Variants in MAP3K5 observed in about 807,000 individuals in gnomAD.
The protein encoded by MAP3K5 is ASK-1.
MAP3K5 carries 56 observed loss-of-function variants against 158.7 expected under a neutral mutation model. That is an observed-to-expected ratio of 0.35 (90% CI 0.28 to 0.44). The LOEUF is 0.44. Among genes scored for constraint, MAP3K5 ranks in the 20% least tolerant of loss-of-function variants. The probability of loss-of-function intolerance (pLI) is 1.00; values close to 1 mark genes in which losing one functional copy is unlikely to be tolerated. For synonymous variants in MAP3K5, 579 were observed against 601.7 expected, an observed-to-expected ratio of 0.96 and a Z score of 0.55; for missense variants, 1,294 against 1,674.8, an observed-to-expected ratio of 0.77 and a Z score of 3.97.
At chr6:136,754,772 C>T (rs1783397116) in intron 1 of MAP3K5, among the ~76,000 whole-genome samples, 4 of 152,088 alleles carry the variant, frequency 2.6e-5, no homozygotes, top group Admixed American at 2.6e-4. Context: ...AGCAAATCTG[C>T]AGAGGATGCC....
At chr6:136,783,405 T>G (rs903821712) in intron 1 of MAP3K5, among the ~76,000 whole-genome samples, 5 of 152,202 alleles carry the variant, frequency 3.3e-5, no homozygotes, top group African/African-American at 1.2e-4. Context: ...CAAGTTTAAT[T>G]TTACTCCCTG....
intron 7 of MAP3K5, among the ~76,000 whole-genome samples, chr6:136,672,119 G>A (rs564608705): frequency 3.3e-5 from 5 of 152,228 alleles, no homozygotes; most frequent in Non-Finnish European, 7.4e-5. Flanking sequence ...CAAATGTTGG[G>A]AACCTACATA....
At chr6:136,741,886 C>T (rs965308001) in intron 1 of MAP3K5, among the ~76,000 whole-genome samples, 1 of 152,070 alleles carries the variant, frequency 6.6e-6, no homozygotes, top group African/African-American at 2.4e-5. Flanking sequence ...AAACACAATG[C>T]CATTTACATT....
chr6:136,683,025 G>A (rs1381243048), intron 7 of MAP3K5, among the ~76,000 whole-genome samples: 16 of 152,126 alleles, frequency 1.1e-4, no homozygotes. Context: ...TATCAAATAT[G>A]TAAAGACATA....
chr6:136,648,379 A>G lies in MAP3K5; in HGVS notation c.1788+2605T>C, dbSNP rs549788991. On this transcript the variant is annotated intron_variant, in intron 11 of 29. Coordinates refer to ENST00000359015, the MANE Select transcript of MAP3K5 (RefSeq NM_005923.4). ...TAAATTTTGGATGTAGCCAGTCCCA[A>G]ACTGACTTGTAAAAGTGTCAGCTTG... Among the ~76,000 whole-genome samples, 6 of 152,294 alleles carry G rather than the reference A, an allele frequency of 3.9e-5. No individual in the cohort carries two copies. In the South Asian group the frequency reaches 1.2e-3, roughly 32 times the overall value.
At chr6:136,772,554 T>C (rs1331733625) in intron 1 of MAP3K5, among the ~76,000 whole-genome samples, 1 of 151,958 alleles carries the variant, frequency 6.6e-6, no homozygotes, top group Admixed American at 6.5e-5. Context: ...AGTGAGACAA[T>C]GCAGGTTAAT....
chr6:136,640,102 G>A (rs552464302), intron 12 of MAP3K5, among the ~76,000 whole-genome samples: 1 of 152,372 alleles, frequency 6.6e-6, no homozygotes, highest in South Asian at 2.1e-4. Context: ...TTAGAGGAGT[G>A]AAGCAATGTG....
At chr6:136,724,248 C>CTTTT (rs1213577934) in intron 1 of MAP3K5, among the ~76,000 whole-genome samples, 3 of 134,656 alleles carry the variant, frequency 2.2e-5, no homozygotes, top group Non-Finnish European at 4.8e-5. Flanking sequence ...GAGAAACTGA[C>CTTTT]TTTTTTTTTT....
At chr6:136,779,649 T>G (rs1784537236) in intron 1 of MAP3K5, among the ~76,000 whole-genome samples, 1 of 152,138 alleles carries the variant, frequency 6.6e-6, no homozygotes, top group Non-Finnish European at 1.5e-5. Context: ...CCTTTTTCCT[T>G]CATAAAATAG....
intron 7 of MAP3K5, among the ~76,000 whole-genome samples, chr6:136,672,368 T>C (rs1472481837): frequency 6.6e-6 from 1 of 152,222 alleles, no homozygotes; most frequent in East Asian, 1.9e-4. Flanking sequence ...TGCTGTTGTC[T>C]TTCATGGGGC....
chr6:136,784,025 C>T (rs1037998649), intron 1 of MAP3K5, among the ~76,000 whole-genome samples: 1 of 152,230 alleles, frequency 6.6e-6, no homozygotes, highest in Non-Finnish European at 1.5e-5. Context: ...TTCTTATAGC[C>T]ACCAGAGGGG....
chr6:136,684,299 A>G (rs929859361), intron 7 of MAP3K5, among the ~76,000 whole-genome samples: 2 of 152,122 alleles, frequency 1.3e-5, no homozygotes, highest in Non-Finnish European at 2.9e-5. Flanking sequence ...CTCATTAGTA[A>G]CATGCACAGA....
chr6:136,715,094 A>G (rs1207951039), intron 2 of MAP3K5, among the ~76,000 whole-genome samples: 1 of 152,220 alleles, frequency 6.6e-6, no homozygotes, highest in Admixed American at 6.5e-5. Context: ...TAACATAATC[A>G]TTACGTTTCA....
intron 1 of MAP3K5, among the ~76,000 whole-genome samples, chr6:136,769,794 AGGGAGGGAGGGAGGGAGG>A (rs1562691179): frequency 2.6e-5 from 1 of 38,144 alleles, no homozygotes; most frequent in East Asian, 9.9e-4. Flanking sequence ...GAAGGAAGGA[AGGGAGGGAGGGAGGGAGG>A]GGACGGGAGG....
intron 21 of MAP3K5, among the ~76,000 whole-genome samples, chr6:136,600,746 C>A (rs978527231): frequency 6.6e-6 from 1 of 152,122 alleles, no homozygotes; most frequent in Non-Finnish European, 1.5e-5. Flanking sequence ...TTACTTCACT[C>A]AAATTGAAGC....
intron 1 of MAP3K5, among the ~76,000 whole-genome samples, chr6:136,787,510 C>T (rs1562707615): frequency 6.6e-6 from 1 of 152,214 alleles, no homozygotes; most frequent in Non-Finnish European, 1.5e-5. Flanking sequence ...TCCAACACTC[C>T]ACTCTTTTCT....
intron 7 of MAP3K5, among the ~76,000 whole-genome samples, chr6:136,684,378 C>T (rs1482779234): frequency 6.6e-6 from 1 of 152,026 alleles, no homozygotes; most frequent in Non-Finnish European, 1.5e-5. Context: ...TGAGCAAATA[C>T]TGCATATAAC....
In MAP3K5 at chr6:136,567,318, C is replaced by T. The variant is rs114740536; in HGVS notation, c.3761+313G>A. Reference sequence around the variant, plus strand: ...GCTTTCTGTTCTTTTCAGCTATCTACTGGAAGGTACATGCTGCTCTGAGCC... The same window carrying T: ...GCTTTCTGTTCTTTTCAGCTATCTATTGGAAGGTACATGCTGCTCTGAGCC... On this transcript the variant is annotated intron_variant, in intron 26 of 29. Transcript: ENST00000359015. Among the ~76,000 whole-genome samples the T allele has an allele frequency of 8.1e-3, 1,238 of 152,256 alleles. 18 individuals are homozygous for T. The highest frequency in any genetic ancestry group is 0.028 in the African/African-American group (1,143 of 41,544).
chr6:136,754,872 C>T (rs6925103), intron 1 of MAP3K5, among the ~76,000 whole-genome samples: 75,728 of 151,884 alleles, frequency 0.5, 19,033 homozygotes, highest in Middle Eastern at 0.55. Context: ...CTGGGGTCCA[C>T]TGACAAGATC....
Sources: allele counts gnomAD v4.1 joint callset (sites outside exome capture counted in the v4.1 genomes callset), GRCh38; gene constraint gnomAD v4.1.1; transcripts MANE v1.5; gene names NCBI Gene and HGNC (gene_info 2026-07-23, HGNC 2026-07-21).